ARHGEF33: variants seen among roughly 807,000 people sequenced by gnomAD.
ARHGEF33 encodes DH and coiled-coil domain-containing protein ENSP00000381780.
ARHGEF33 carries 72 observed loss-of-function variants against 101.9 expected under a neutral mutation model. The observed-to-expected ratio is 0.71, with a 90% CI of 0.58 to 0.86. ARHGEF33 has a LOEUF of 0.86. ARHGEF33 is among the 40% of genes least tolerant of loss of function. The probability of loss-of-function intolerance (pLI) is 0.00; values close to 1 mark genes in which losing one functional copy is unlikely to be tolerated. For missense variants in ARHGEF33, 1,169 were observed against 1,111.3 expected (o/e 1.05, Z -0.74); for synonymous variants, 499 against 442.5 (o/e 1.13, Z -1.60).
chr2:38,931,425 GC>G, intron 7 of ARHGEF33, 174 bp downstream of exon 7: 1 of 539,088 alleles, frequency 1.9e-6, no homozygotes, highest in Non-Finnish European at 3.1e-6. Flanking sequence ...CCACAAGAGT[GC>G]CCAGTTTTAA....
intron 3 of ARHGEF33, among the ~76,000 whole-genome samples, chr2:38,920,852 C>T (rs1407699313): frequency 2.0e-5 from 3 of 152,102 alleles, no homozygotes; most frequent in African/African-American, 4.8e-5. Context: ...CCCTGTTGCC[C>T]AGGAGGACAG....
chr2:38,951,159 AC>A (rs1667593892), intron 11 of ARHGEF33, 38 bp downstream of exon 11: 1 of 1,542,810 alleles, frequency 6.5e-7, no homozygotes, highest in East Asian at 2.4e-5. Flanking sequence ...TTTTACTTAT[AC>A]GGATTTGTGT....
At chr2:38,904,489 T>A (rs375423704) in intron 2 of ARHGEF33, among the ~76,000 whole-genome samples, 3 of 152,046 alleles carry the variant, frequency 2.0e-5, no homozygotes, top group African/African-American at 7.2e-5. Flanking sequence ...GCAGATCACC[T>A]GAGGTCAGGA....
chr2:38,907,115 G>T (rs1666410376), intron 2 of ARHGEF33, among the ~76,000 whole-genome samples: 1 of 152,162 alleles, frequency 6.6e-6, no homozygotes, highest in Admixed American at 6.5e-5. Flanking sequence ...GAGATCCCCA[G>T]GTAGGAATGC....
intron 13 of ARHGEF33, among the ~76,000 whole-genome samples, chr2:38,955,071 A>G (rs1312390189): frequency 3.9e-5 from 6 of 152,154 alleles, no homozygotes; most frequent in African/African-American, 1.4e-4. Flanking sequence ...CACCTCATCC[A>G]GTTCTTTCCA....
intron 7 of ARHGEF33, 172 bp downstream of exon 7, chr2:38,931,423 G>C: frequency 1.8e-6 from 1 of 552,152 alleles, no homozygotes; most frequent in Non-Finnish European, 3.0e-6. Context: ...GACCACAAGA[G>C]TGCCCAGTTT....
In ARHGEF33 at chr2:38,964,003, A is replaced by G. The variant is rs187779675; in HGVS notation, c.2344-2003A>G. Among the ~76,000 whole-genome samples, 100 of 152,006 alleles carry G rather than the reference A, an allele frequency of 6.6e-4. 1 individual carries two copies. Among genetic ancestry groups the G allele is most frequent in the African/African-American group, 2.3e-3 (94 of 41,430 alleles). On this transcript the variant is annotated intron_variant, in intron 16 of 17. Coordinates refer to ENST00000409978, the MANE Select transcript of ARHGEF33 (RefSeq NM_001145451.5). ...TAATATATAATGAAATAATTATACA[A>G]CTCACCATAATCTAGGATCAGTGGG...
intron 2 of ARHGEF33, among the ~76,000 whole-genome samples, chr2:38,917,416 T>C (rs1049611323): frequency 1.3e-5 from 2 of 152,100 alleles, no homozygotes; most frequent in Non-Finnish European, 2.9e-5. Flanking sequence ...AAATCAACTT[T>C]CTTCAGGTAT....
intron 2 of ARHGEF33, among the ~76,000 whole-genome samples, chr2:38,917,828 C>CAA (rs537310536): frequency 1.6e-4 from 12 of 75,362 alleles, no homozygotes; most frequent in East Asian, 4.4e-4. Flanking sequence ...GACCTTGTCT[C>CAA]AAAAAAAAAA....
At position 38,895,814 on chromosome 2, in the gene ARHGEF33, A is replaced by C. The variant is rs1270762526; in HGVS notation, c.-121A>C. 1 of 152,030 alleles carries C rather than the reference A, an allele frequency of 6.6e-6. No homozygotes were observed. Among genetic ancestry groups the C allele is most frequent in the Non-Finnish European group, 1.5e-5 (1 of 68,024 alleles). The allele number at this position is 152,030 out of a possible 1,614,324, so 9.4% of individuals were successfully genotyped here. The stretch of plus-strand genomic sequence containing the variant: ...AAACAAGAAGAAGACTTCAAAAAAC[A>C]TGCTGTGATGTCTCCCAGTGGAGAC... On this transcript the variant is annotated 5_prime_UTR_variant, in exon 2 of 18. It removes an upstream start codon present in the reference 5' UTR. Transcript: ENST00000409978.
At chr2:38,966,495 G>T (rs1264970720) in intron 17 of ARHGEF33, among the ~76,000 whole-genome samples, 1 of 152,170 alleles carries the variant, frequency 6.6e-6, no homozygotes, top group East Asian at 1.9e-4. Flanking sequence ...CACTATTGGG[G>T]TTGGGTGTCA....
chr2:38,911,203 A>G (rs1338987739), intron 2 of ARHGEF33, among the ~76,000 whole-genome samples: 2 of 152,200 alleles, frequency 1.3e-5, no homozygotes, highest in Non-Finnish European at 2.9e-5. Flanking sequence ...TCTACACCAC[A>G]AAGATCATAT....
chr2:38,946,161 C>T (rs1053732385), intron 10 of ARHGEF33, among the ~76,000 whole-genome samples: 1 of 152,156 alleles, frequency 6.6e-6, no homozygotes, highest in South Asian at 2.1e-4. Context: ...TGCAAGCCTC[C>T]AGCAGGCGGG....
chr2:38,959,871 A>ACAG lies in ARHGEF33; in HGVS notation c.1572_1574dup (p.Gln525dup). ...TGATGCCCCCAGTGAAGAAAAGCCA[A>ACAG]CAGCAGCAAAGCCTGATGGAGAGCA... On this transcript the variant is annotated inframe_insertion, in exon 16 of 18. Transcript: ENST00000409978. 6.4e-7 allele frequency: 1 copy of ACAG among 1,550,894 alleles called. No individual in the cohort carries two copies. Among genetic ancestry groups the ACAG allele is most frequent in the Non-Finnish European group, 8.7e-7 (1 of 1,146,260 alleles).
intron 17 of ARHGEF33, chr2:38,969,349 C>T (rs1042195035): frequency 1.2e-5 from 2 of 167,898 alleles, no homozygotes; most frequent in Admixed American, 6.5e-5. Flanking sequence ...CCTTCCTCCC[C>T]CACAGCCCTC....
intron 2 of ARHGEF33, 124 bp downstream of exon 2, chr2:38,895,973 A>C (rs1469402206): frequency 6.6e-6 from 1 of 152,228 alleles, no homozygotes; most frequent in Admixed American, 6.5e-5. Context: ...TTTTATAACC[A>C]TTCTTGGTTT....
At chr2:38,945,065 A>G (rs1252530318) in intron 10 of ARHGEF33, among the ~76,000 whole-genome samples, 1 of 152,228 alleles carries the variant, frequency 6.6e-6, no homozygotes, top group Non-Finnish European at 1.5e-5. Flanking sequence ...AATGTAATGA[A>G]TATATAATAA....
intron 9 of ARHGEF33, among the ~76,000 whole-genome samples, chr2:38,937,793 G>C (rs1370646506): frequency 6.6e-6 from 1 of 152,222 alleles, no homozygotes; most frequent in Non-Finnish European, 1.5e-5. Context: ...TAGTAATGGA[G>C]TGCTGTGGGC....
chr2:38,967,742 A>G (rs892496421), intron 17 of ARHGEF33, among the ~76,000 whole-genome samples: 1 of 128,368 alleles, frequency 7.8e-6, no homozygotes, highest in African/African-American at 2.9e-5. Flanking sequence ...CGCCCTGGCT[A>G]TTTTTTTTTT....
Sources: allele counts gnomAD v4.1 joint callset (sites outside exome capture counted in the v4.1 genomes callset), GRCh38; gene constraint gnomAD v4.1.1; transcripts MANE v1.5; gene names NCBI Gene and HGNC (gene_info 2026-07-23, HGNC 2026-07-21).